SUSD1: variants seen among roughly 807,000 people sequenced by gnomAD.
SUSD1 encodes the protein sushi domain-containing protein 1.
A neutral mutation model predicts 86.9 loss-of-function variants in SUSD1; 65 were observed. The observed-to-expected ratio is 0.75, with a 90% CI of 0.61 to 0.92. The LOEUF is 0.92. SUSD1 is among the 40% of genes least tolerant of loss of function. The pLI is 0.00. For synonymous variants in SUSD1, 346 were observed against 350.0 expected, an observed-to-expected ratio of 0.99 and a Z score of 0.13; for missense variants, 850 against 929.7, an observed-to-expected ratio of 0.91 and a Z score of 1.11.
intron 7 of SUSD1, 86 bp from the exon 8 acceptor site, chr9:112,111,926 A>G: frequency 7.3e-7 from 1 of 1,364,114 alleles, no homozygotes; most frequent in Admixed American, 2.0e-5. Flanking sequence ...TTCTCCTACT[A>G]TTCTATTTTA....
At chr9:112,145,249 T>A (rs1047538161) in intron 3 of SUSD1, among the ~76,000 whole-genome samples, 9 of 150,568 alleles carry the variant, frequency 6.0e-5, no homozygotes, top group East Asian at 1.9e-4. Context: ...AAAAAAAAAA[T>A]TTCAAAAAGC....
intron 14 of SUSD1, among the ~76,000 whole-genome samples, chr9:112,055,220 G>T (rs1320924193): frequency 6.6e-6 from 1 of 152,176 alleles, no homozygotes; most frequent in Non-Finnish European, 1.5e-5. Context: ...GAGCCCAAGA[G>T]TTCAAGACCA....
At chr9:112,109,215 A>C (rs1830985740) in intron 8 of SUSD1, among the ~76,000 whole-genome samples, 1 of 152,266 alleles carries the variant, frequency 6.6e-6, no homozygotes, top group Non-Finnish European at 1.5e-5. Context: ...GAAAGGGGTG[A>C]AACTTCAACA....
intron 12 of SUSD1, among the ~76,000 whole-genome samples, chr9:112,073,457 C>A (rs1829372112): frequency 6.6e-6 from 1 of 152,210 alleles, no homozygotes; most frequent in East Asian, 1.9e-4. Context: ...TTGGCTTTCT[C>A]ACGCTCACTC....
At chr9:112,063,805 G>C (rs753042007) in intron 12 of SUSD1, among the ~76,000 whole-genome samples, 1 of 152,140 alleles carries the variant, frequency 6.6e-6, no homozygotes, top group Non-Finnish European at 1.5e-5. Context: ...CACTAGAGAT[G>C]TTCTACATAT....
intron 6 of SUSD1, among the ~76,000 whole-genome samples, chr9:112,116,969 G>A (rs1831351881): frequency 6.6e-6 from 1 of 152,040 alleles, no homozygotes; most frequent in African/African-American, 2.4e-5. Context: ...GCAAAAACAT[G>A]TCTCTACTAA....
Position 112,041,258 on chromosome 9 carries a change from C to T in SUSD1, c.*234G>A. 1.6e-6 allele frequency: 1 copy of T among 613,130 alleles called. No homozygotes were observed. The highest frequency in any genetic ancestry group is 1.9e-5 in the South Asian group (1 of 51,926). 38.0% of individuals were successfully genotyped at this position (613,130 alleles called of 1,614,324 possible). A position where few individuals can be genotyped will look rare whatever the true frequency, so the allele number is the denominator to read the frequency against. The stretch of plus-strand genomic sequence containing the variant: ...GGAGTCTCAAGTTCATTGCACAGAA[C>T]TGGTCCTGTAGCAGGGAAGACTCAG... On this transcript the variant is annotated 3_prime_UTR_variant, in exon 17 of 17. Coordinates refer to ENST00000374270, the MANE Select transcript of SUSD1 (RefSeq NM_022486.5).
At chr9:112,081,605 C>T (rs1228464813) in intron 10 of SUSD1, among the ~76,000 whole-genome samples, 1 of 152,152 alleles carries the variant, frequency 6.6e-6, no homozygotes, top group African/African-American at 2.4e-5. Context: ...CTAGACTATA[C>T]AAAAAGGTGG....
chr9:112,138,599 C>T (rs1832421910), intron 5 of SUSD1, among the ~76,000 whole-genome samples: 1 of 151,594 alleles, frequency 6.6e-6, no homozygotes, highest in South Asian at 2.1e-4. Context: ...CAGGTGCACG[C>T]CACCACGCCC....
intron 5 of SUSD1, among the ~76,000 whole-genome samples, chr9:112,128,923 G>A (rs773616664): frequency 1.6e-4 from 24 of 152,192 alleles, no homozygotes; most frequent in Non-Finnish European, 3.4e-4. Flanking sequence ...ACCACACAGG[G>A]CCTTATAAAT....
intron 2 of SUSD1, among the ~76,000 whole-genome samples, chr9:112,156,426 C>T (rs1302049733): frequency 1.3e-5 from 2 of 151,080 alleles, no homozygotes; most frequent in East Asian, 3.9e-4. Context: ...CGCACCACTG[C>T]ACTCCAGCCT....
At chr9:112,160,750 C>T (rs1420637689) in intron 1 of SUSD1, among the ~76,000 whole-genome samples, 1 of 152,052 alleles carries the variant, frequency 6.6e-6, no homozygotes, top group Middle Eastern at 3.4e-3. Flanking sequence ...AAAAGCCAAT[C>T]CTAGAAAGGC....
At chr9:112,054,190 A>G (rs1828345915) in intron 14 of SUSD1, among the ~76,000 whole-genome samples, 1 of 152,244 alleles carries the variant, frequency 6.6e-6, no homozygotes, top group Admixed American at 6.5e-5. Flanking sequence ...AAAGACAGAC[A>G]TATAGGCCAA....
intron 11 of SUSD1, 21 bp downstream of exon 11, chr9:112,080,053 C>T (rs199528391): frequency 3.4e-4 from 524 of 1,544,230 alleles, no homozygotes; most frequent in South Asian, 1.4e-3. Flanking sequence ...TCTATAAATA[C>T]AGTAACTTTC....
chr9:112,041,576 C>G (rs372955448), intron 16 of SUSD1, 84 bp from the exon 17 acceptor site: 17 of 775,732 alleles, frequency 2.2e-5, no homozygotes, highest in Middle Eastern at 2.3e-4. Flanking sequence ...ACAGCTCACA[C>G]GCACACCCAT....
chr9:112,169,787 G>C (rs568501198), intron 1 of SUSD1, among the ~76,000 whole-genome samples: 1 of 150,580 alleles, frequency 6.6e-6, no homozygotes, highest in Non-Finnish European at 1.5e-5. Context: ...CTATTCTCCT[G>C]TCTCAGCCTC....
chr9:112,078,045 T>C (rs1421870080), intron 12 of SUSD1, among the ~76,000 whole-genome samples: 3 of 151,708 alleles, frequency 2.0e-5, no homozygotes, highest in South Asian at 4.2e-4. Flanking sequence ...GGTATCTTTT[T>C]AAAAATAAAA....
rs750635821 is a variant in SUSD1 at position 112,142,436 on chromosome 9, C to T, written c.590G>A (p.Ser197Asn). The T allele has an allele frequency of 6.2e-7, 1 of 1,613,982 alleles. No individual in the cohort carries two copies. The highest frequency in any genetic ancestry group is 8.5e-7 in the Non-Finnish European group (1 of 1,180,012). Residue 197 changes from serine (S) to asparagine (N), a missense_variant, in exon 5 of 17, where the codon AGT becomes AAT. Physicochemically the swap from Ser to Asn is conservative, Grantham distance 46. Coordinates refer to ENST00000374270, the MANE Select transcript of SUSD1 (RefSeq NM_022486.5). ...DGYIIGNYTS[S>N]LGSQVRYACR... ...AGCATAACGAACCTGGCTGCCCAGACTAGACGTATAATTTCCTATGATATA... is the reference window on the plus strand; with the variant it reads ...AGCATAACGAACCTGGCTGCCCAGATTAGACGTATAATTTCCTATGATATA...
At chr9:112,130,398 G>A (rs975741053) in intron 5 of SUSD1, among the ~76,000 whole-genome samples, 4 of 150,154 alleles carry the variant, frequency 2.7e-5, no homozygotes, top group Non-Finnish European at 3.0e-5. Context: ...GGAGGGGAAG[G>A]GAGGGAACGG....
Sources: gnomAD v4.1 joint callset for allele counts (sites outside exome capture counted in the v4.1 genomes callset) on GRCh38, gnomAD v4.1.1 for gene constraint, MANE v1.5 for transcripts, NCBI Gene and HGNC (gene_info 2026-07-23, HGNC 2026-07-21) for gene names.